Variants in MAP1B observed in about 807,000 individuals in gnomAD.
MAP1B encodes the protein microtubule associated protein 1B, also known as microtubule-associated protein 1B.
Under a neutral mutation model 176.1 loss-of-function variants are expected in MAP1B, and 12 were observed. The ratio of observed to expected loss-of-function variants is 0.07; its 90% CI spans 0.04 to 0.11. MAP1B has a LOEUF of 0.11. Among genes scored for constraint, MAP1B ranks in the 10% least tolerant of loss-of-function variants. The pLI is 1.00. For synonymous variants in MAP1B, 1,044 were observed against 1,135.0 expected (o/e 0.92, Z 1.61); for missense variants, 2,523 against 2,990.5 (o/e 0.84, Z 3.65).
intron 2 of MAP1B, among the ~76,000 whole-genome samples, chr5:72,173,379 G>A (rs1221714773): frequency 3.9e-5 from 6 of 152,132 alleles, no homozygotes; most frequent in African/African-American, 1.2e-4. Flanking sequence ...TATGAACGTA[G>A]CACTAATTTG....
chr5:72,118,488 C>T (rs959379565), intron 2 of MAP1B, among the ~76,000 whole-genome samples: 6 of 152,190 alleles, frequency 3.9e-5, no homozygotes, highest in Non-Finnish European at 8.8e-5. Context: ...AAAACAAATA[C>T]AGTCATTACC....
intron 2 of MAP1B, among the ~76,000 whole-genome samples, chr5:72,171,376 C>G (rs1374343527): frequency 2.6e-5 from 4 of 151,948 alleles, no homozygotes; most frequent in African/African-American, 9.7e-5. Flanking sequence ...TCACTTGAGC[C>G]CAAGAGTTTG....
chr5:72,122,736 A>G (rs1745553071), intron 2 of MAP1B, among the ~76,000 whole-genome samples: 1 of 151,492 alleles, frequency 6.6e-6, no homozygotes, highest in African/African-American at 2.4e-5. Flanking sequence ...GGAACCACTC[A>G]GCATAGACAG....
intron 4 of MAP1B, 108 bp from the exon 5 acceptor site, chr5:72,193,758 T>C: frequency 1.6e-6 from 2 of 1,250,036 alleles, no homozygotes; most frequent in Non-Finnish European, 2.2e-6. Context: ...AAACTGGTCC[T>C]ATGTGCATCC....
chr5:72,199,885 A>G lies in MAP1B; in HGVS notation c.6530A>G (p.Asn2177Ser). The change falls in exon 5 of 7, where the codon AAT (asparagine) becomes AGT (serine). Residue 2177 changes from asparagine to serine, a missense_variant. This residue lies in a region of MAP1B where 287 missense variants were observed against 401.5 expected (regional missense o/e 0.71). Coordinates refer to ENST00000296755, the MANE Select transcript of MAP1B (RefSeq NM_005909.5). This position sits in a 1 kb window ranked among gnomAD's most constrained non-coding sequence, Gnocchi z 4.2. Reference sequence around the variant, plus strand: ...TGCCCCTCCATCACGGCCGATGCCAATATCGACTCTGAAGACGAGTCGGAA... The same window carrying G: ...TGCCCCTCCATCACGGCCGATGCCAGTATCGACTCTGAAGACGAGTCGGAA... ...EECPSITADA[N>S]IDSEDESETI... The G allele has an allele frequency of 6.2e-7, 1 of 1,614,156 alleles. No homozygotes were observed. Among genetic ancestry groups the G allele is most frequent in the Non-Finnish European group, 8.5e-7 (1 of 1,180,028 alleles).
intron 4 of MAP1B, among the ~76,000 whole-genome samples, chr5:72,192,072 A>T (rs1379150866): frequency 6.6e-6 from 1 of 152,204 alleles, no homozygotes; most frequent in Non-Finnish European, 1.5e-5. Context: ...AACTAAACTT[A>T]ATTTTTAAGT....
intron 2 of MAP1B, among the ~76,000 whole-genome samples, chr5:72,163,800 T>C (rs1324664991): frequency 1.3e-5 from 2 of 152,132 alleles, no homozygotes; most frequent in Non-Finnish European, 2.9e-5. Context: ...AACCTTAATG[T>C]CTTCATCTGT....
chr5:72,115,148 G>T (rs532686497), intron 1 of MAP1B, among the ~76,000 whole-genome samples: 1 of 152,238 alleles, frequency 6.6e-6, no homozygotes, highest in South Asian at 2.1e-4. Flanking sequence ...GATATCCAGG[G>T]CTCGATAAAC....
In MAP1B at chr5:72,194,533, T is replaced by C. The variant is rs765657286; in HGVS notation, c.1178T>C (p.Met393Thr). Residue 393 changes from methionine to threonine, a missense_variant, in exon 5 of 7, where the codon ATG (methionine) becomes ACG (threonine). Physicochemically the swap from Met to Thr is moderately conservative, Grantham distance 81. Coordinates refer to ENST00000296755, the MANE Select transcript of MAP1B (RefSeq NM_005909.5). The surrounding 1 kb of genome is among the most constrained non-coding windows in gnomAD (Gnocchi z 7.2). The part of the protein sequence containing the change: ...FTLQYLNKLS[M>T]KPEPLFRSVG... ...CTCCAGTACCTAAACAAATTGTCCA[T>C]GAAACCAGAACCTCTGTTTAGAAGT... 2 of 1,614,136 alleles carry C rather than the reference T, an allele frequency of 1.2e-6. No individual in the cohort carries two copies. The highest frequency in any genetic ancestry group is 4.5e-5 in the East Asian group (2 of 44,894).
At chr5:72,146,068 G>C (rs1164779537) in intron 2 of MAP1B, among the ~76,000 whole-genome samples, 1 of 152,282 alleles carries the variant, frequency 6.6e-6, no homozygotes, top group East Asian at 1.9e-4. Context: ...TTTTTTTAAA[G>C]AGAGTCTCTT....
Position 72,199,673 on chromosome 5 carries a change from T to C in MAP1B, c.6318T>C (p.Pro2106=). The change falls in exon 5 of 7, where the codon CCT becomes CCC. Residue 2106 remains proline (P), a synonymous_variant. Transcript: ENST00000296755. The surrounding 1 kb of genome is among the most constrained non-coding windows in gnomAD (Gnocchi z 4.2). ...CACCCTCTTTCATTAATCCCAATCC[T>C]CTTGAGTGGTTTGCCAGTGAAGAAC... The part of the protein sequence containing the change: ...ELSPSFINPN[P]LEWFASEEPT... The C allele has an allele frequency of 6.2e-7, 1 of 1,614,100 alleles. No individual in the cohort carries two copies. The highest frequency in any genetic ancestry group is 1.6e-4 in the Middle Eastern group (1 of 6,062).
rs916879399 is a variant in MAP1B, at chr5:72,204,786, C to T, written c.7252-298C>T. On this transcript the variant is annotated intron_variant, in intron 6 of 6. Transcript: ENST00000296755. This position sits in a 1 kb window ranked among gnomAD's most constrained non-coding sequence, Gnocchi z 4.4. ...CTTACCAGTTGTGTTAAAGGAAATA[C>T]AAAAAATTGTACCCTAACGGAAGCA... is the stretch of plus-strand genomic sequence containing the variant. Among the ~76,000 whole-genome samples, 3 of 152,054 alleles carry T rather than the reference C, an allele frequency of 2.0e-5. No homozygotes were observed. Among genetic ancestry groups the T allele is most frequent in the African/African-American group, 7.2e-5 (3 of 41,392 alleles).
chr5:72,163,705 G>A (rs193004594), intron 2 of MAP1B, among the ~76,000 whole-genome samples: 1 of 152,082 alleles, frequency 6.6e-6, no homozygotes, highest in East Asian at 1.9e-4. Flanking sequence ...CTTTGGGGAG[G>A]GTGAATGTGT....
Position 72,186,040 on chromosome 5 carries a change from C to T in MAP1B, c.370-574C>T, listed in dbSNP as rs1487230223. Among the ~76,000 whole-genome samples, 1 of 152,200 alleles carries T rather than the reference C, an allele frequency of 6.6e-6. No individual in the cohort carries two copies. Among genetic ancestry groups the T allele is most frequent in the East Asian group, 1.9e-4 (1 of 5,192 alleles). ...GCAGCCTTTTCTTTATATTCAATGTCAAGCACCTTACTGATGCCACTGGAG... is the reference window on the plus strand; with the variant it reads ...GCAGCCTTTTCTTTATATTCAATGTTAAGCACCTTACTGATGCCACTGGAG... On this transcript the variant is annotated intron_variant, in intron 3 of 6. Transcript: ENST00000296755. This position sits in a 1 kb window ranked among gnomAD's most constrained non-coding sequence, Gnocchi z 4.3.
chr5:72,122,641 C>CT (rs35175622), intron 2 of MAP1B, among the ~76,000 whole-genome samples: 3,486 of 138,604 alleles, frequency 0.025, 54 homozygotes, highest in Non-Finnish European at 0.031. Flanking sequence ...ATTCATCTCA[C>CT]TTTTTTTTTT....
chr5:72,153,474 T>C (rs751592244), intron 2 of MAP1B, among the ~76,000 whole-genome samples: 1 of 151,880 alleles, frequency 6.6e-6, no homozygotes, highest in Non-Finnish European at 1.5e-5. Context: ...CCATCTTCCA[T>C]ATAGTCTTAC....
At chr5:72,179,022 G>A (rs1241661428) in intron 2 of MAP1B, among the ~76,000 whole-genome samples, 4 of 152,106 alleles carry the variant, frequency 2.6e-5, no homozygotes, top group Non-Finnish European at 5.9e-5. Flanking sequence ...AGCTTTGGGA[G>A]AGCACAAACA....
chr5:72,126,923 A>G (rs1462922098), intron 2 of MAP1B, among the ~76,000 whole-genome samples: 4 of 152,274 alleles, frequency 2.6e-5, no homozygotes, highest in Non-Finnish European at 4.4e-5. Flanking sequence ...ACACTTGCAT[A>G]GAGACTATCC....
At chr5:72,159,654 TA>T (rs1449238884) in intron 2 of MAP1B, among the ~76,000 whole-genome samples, 24 of 152,206 alleles carry the variant, frequency 1.6e-4, no homozygotes, top group Admixed American at 1.6e-3. Context: ...TTAATGGCCA[TA>T]AAACATTGGC....
Sources: allele counts gnomAD v4.1 joint callset (sites outside exome capture counted in the v4.1 genomes callset), GRCh38; gene constraint gnomAD v4.1.1; regional missense constraint gnomAD v4.1.1; non-coding constraint Gnocchi (gnomAD v3.1); transcripts MANE v1.5; gene names NCBI Gene and HGNC (gene_info 2026-07-23, HGNC 2026-07-21).